The following EEFSEC variants were observed in gnomAD, a reference collection of about 807,000 sequenced individuals.
EEFSEC encodes selenocysteine-specific elongation factor.
Under a neutral mutation model 42.1 loss-of-function variants are expected in EEFSEC, and 43 were observed. The ratio of observed to expected loss-of-function variants is 1.02; its 90% CI spans 0.80 to 1.32. The LOEUF (loss-of-function observed/expected upper bound fraction) is 1.32. EEFSEC is among the 40% of genes most tolerant of loss of function. The probability of loss-of-function intolerance (pLI) is 0.00; values close to 1 mark genes in which losing one functional copy is unlikely to be tolerated. For synonymous variants in EEFSEC, 354 were observed against 339.1 expected, an observed-to-expected ratio of 1.04 and a Z score of -0.48; for missense variants, 745 against 803.6, an observed-to-expected ratio of 0.93 and a Z score of 0.88.
chr3:128,349,315 G>T (rs576175020), intron 5 of EEFSEC, among the ~76,000 whole-genome samples: 2 of 152,276 alleles, frequency 1.3e-5, no homozygotes, highest in African/African-American at 4.8e-5. Flanking sequence ...GGCCGGCCCA[G>T]GCAGCCTAGA....
intron 1 of EEFSEC, among the ~76,000 whole-genome samples, chr3:128,230,207 C>T (rs976633814): frequency 5.3e-5 from 8 of 149,996 alleles, no homozygotes; most frequent in Non-Finnish European, 8.9e-5. Flanking sequence ...AATACAGTGG[C>T]ACGATCATAG....
intron 4 of EEFSEC, among the ~76,000 whole-genome samples, chr3:128,335,738 G>C (rs747723249): frequency 2.0e-5 from 3 of 152,122 alleles, no homozygotes; most frequent in Non-Finnish European, 4.4e-5. Context: ...AACAGGCTGC[G>C]GGGGAGGGGG....
chr3:128,403,768 C>T (rs1316129434), intron 6 of EEFSEC, among the ~76,000 whole-genome samples: 2 of 152,250 alleles, frequency 1.3e-5, no homozygotes, highest in African/African-American at 4.8e-5. Context: ...TGGTCCCCGT[C>T]ATCTGGCCTT....
chr3:128,387,319 C>G (rs528840281), intron 6 of EEFSEC, among the ~76,000 whole-genome samples: 1 of 152,218 alleles, frequency 6.6e-6, no homozygotes, highest in Admixed American at 6.5e-5. Context: ...AAAATATCCA[C>G]ATGTCCTGGC....
At chr3:128,345,033 C>A (rs187657248) in intron 5 of EEFSEC, among the ~76,000 whole-genome samples, 1 of 152,144 alleles carries the variant, frequency 6.6e-6, no homozygotes, top group African/African-American at 2.4e-5. Context: ...CTCAGCCATC[C>A]GACAGACTGG....
chr3:128,380,376 G>A (rs1243516346), intron 6 of EEFSEC, among the ~76,000 whole-genome samples: 1 of 152,222 alleles, frequency 6.6e-6, no homozygotes, highest in African/African-American at 2.4e-5. Context: ...AGACAGCCCT[G>A]TAACCAGCAA....
chr3:128,236,242 T>G (rs1188978199), intron 1 of EEFSEC, among the ~76,000 whole-genome samples: 1 of 152,216 alleles, frequency 6.6e-6, no homozygotes, highest in Non-Finnish European at 1.5e-5. Context: ...CCCAAATTGT[T>G]GGGATTATAG....
chr3:128,298,549 G>T (rs1187627066), intron 4 of EEFSEC, among the ~76,000 whole-genome samples: 1 of 152,162 alleles, frequency 6.6e-6, no homozygotes, highest in African/African-American at 2.4e-5. Flanking sequence ...GGTAATTGGG[G>T]TATCTATCAC....
the EEFSEC span, among the ~76,000 whole-genome samples, chr3:128,417,795 C>T: frequency 2.6e-5 from 4 of 152,080 alleles, no homozygotes; most frequent in South Asian, 2.1e-4. This position sits in a 1 kb window ranked among gnomAD's most constrained non-coding sequence, Gnocchi z 4.3. Flanking sequence ...CTGCAGACCA[C>T]GGTGACCTTC....
chr3:128,398,394 G>C (rs191520448), intron 6 of EEFSEC, among the ~76,000 whole-genome samples: 67 of 152,354 alleles, frequency 4.4e-4, no homozygotes, highest in Admixed American at 7.8e-4. Context: ...TGTGTGGTAA[G>C]GATGTGCAGG....
intron 1 of EEFSEC, among the ~76,000 whole-genome samples, chr3:128,159,436 C>T (rs998976833): frequency 6.6e-6 from 1 of 152,224 alleles, no homozygotes; most frequent in Non-Finnish European, 1.5e-5. Flanking sequence ...GCTTATTCTC[C>T]TCCTCCCTCT....
At chr3:128,257,014 G>A (rs1050764087) in intron 2 of EEFSEC, among the ~76,000 whole-genome samples, 2 of 152,162 alleles carry the variant, frequency 1.3e-5, no homozygotes, top group East Asian at 1.9e-4. Flanking sequence ...CAAAGTGCTG[G>A]TATTACAGGT....
intron 6 of EEFSEC, among the ~76,000 whole-genome samples, chr3:128,375,497 G>C (rs2067698828): frequency 6.6e-6 from 1 of 152,192 alleles, no homozygotes; most frequent in Non-Finnish European, 1.5e-5. Context: ...TCTCCCACCA[G>C]CCTTCTCTGC....
intron 4 of EEFSEC, among the ~76,000 whole-genome samples, chr3:128,302,648 GT>G (rs2066782842): frequency 6.6e-6 from 1 of 151,808 alleles, no homozygotes; most frequent in African/African-American, 2.4e-5. Flanking sequence ...TATATATATG[GT>G]TGGGAAATTC....
At chr3:128,312,059 G>T (rs1362450035) in intron 4 of EEFSEC, among the ~76,000 whole-genome samples, 1 of 152,200 alleles carries the variant, frequency 6.6e-6, no homozygotes, top group Non-Finnish European at 1.5e-5. Context: ...TCACATGAGG[G>T]ATAAGAAAAG....
At chr3:128,291,999 T>A (rs2066649075) in intron 4 of EEFSEC, among the ~76,000 whole-genome samples, 1 of 152,202 alleles carries the variant, frequency 6.6e-6, no homozygotes, top group African/African-American at 2.4e-5. Flanking sequence ...AAATGGGTGT[T>A]GAATTTTTTT....
intron 1 of EEFSEC, among the ~76,000 whole-genome samples, chr3:128,231,150 G>A (rs1360979659): frequency 1.3e-5 from 2 of 151,816 alleles, no homozygotes; most frequent in Non-Finnish European, 2.9e-5. Flanking sequence ...ACTGGGCTCT[G>A]TGTCTAACTT....
chr3:128,415,124 C>T, the EEFSEC span, among the ~76,000 whole-genome samples: 1 of 151,934 alleles, frequency 6.6e-6, no homozygotes, highest in African/African-American at 2.4e-5. Context: ...GGGAATTTGG[C>T]TTGGAAAGCC....
At chr3:128,275,244 G>C (rs2066456090) in intron 4 of EEFSEC, among the ~76,000 whole-genome samples, 1 of 152,224 alleles carries the variant, frequency 6.6e-6, no homozygotes, top group Admixed American at 6.5e-5. Flanking sequence ...TGCAGAAAAT[G>C]CTGTGTAAAT....
Sources: gnomAD v4.1 joint callset for allele counts (sites outside exome capture counted in the v4.1 genomes callset) on GRCh38, gnomAD v4.1.1 for gene constraint, Gnocchi (gnomAD v3.1) non-coding constraint, MANE v1.5 for transcripts, NCBI Gene and HGNC (gene_info 2026-07-23, HGNC 2026-07-21) for gene names.